The following USP53 variants were observed in gnomAD, a reference collection of about 807,000 sequenced individuals.
The protein encoded by USP53 is ubiquitin carboxyl-terminal hydrolase 53.
In USP53, 71 loss-of-function variants were observed where a neutral mutation model predicts 94.9. That is an observed-to-expected ratio of 0.75 (90% CI 0.62 to 0.91). The LOEUF is 0.91. Ranked by LOEUF, USP53 falls within the 40% of genes least tolerant of loss-of-function variation. The probability of loss-of-function intolerance (pLI) is 0.00; values close to 1 mark genes in which losing one functional copy is unlikely to be tolerated. For missense variants in USP53, 1,173 were observed against 1,281.0 expected (o/e 0.92, Z 1.29); for synonymous variants, 375 against 422.7 (o/e 0.89, Z 1.39).
In USP53 at chr4:119,256,371, T is replaced by G. The variant is rs202056498; in HGVS notation, c.486+12T>G. On this transcript the variant is annotated intron_variant, in intron 8 of 18. Coordinates refer to ENST00000692078, the MANE Select transcript of USP53 (RefSeq NM_001371395.1). ...CTCTGTATGAACAGGTGAGATGGCT[T>G]GATTATTATTTAGATATTGTAGTTC... The G allele has an allele frequency of 1.9e-6, 3 of 1,613,330 alleles. No individual in the cohort carries two copies. Among genetic ancestry groups the G allele is most frequent in the Middle Eastern group, 1.7e-4 (1 of 6,052 alleles).
intron 15 of USP53, among the ~76,000 whole-genome samples, chr4:119,270,865 G>A (rs1375444976): frequency 6.6e-6 from 1 of 152,166 alleles, no homozygotes; most frequent in East Asian, 1.9e-4. Flanking sequence ...TTTGACAGAT[G>A]TGGCTCAGTT....
At position 119,261,757 on chromosome 4, in the gene USP53, C is replaced by A; in HGVS notation, c.865C>A (p.Leu289Ile). ...TGATGAAAATGCCAAAAATAGTGAA[C>A]TTAACCTTGTTGGTATGATCTGCTA... is the stretch of plus-strand genomic sequence containing the variant. Reference protein sequence around the residue: ...VTDENAKNSELNLVGMICYTS... With the variant: ...VTDENAKNSEINLVGMICYTS... Residue 289 changes from leucine (L) to isoleucine (I), a missense_variant, in exon 12 of 19, where the codon CTT (leucine) becomes ATT (isoleucine). Transcript: ENST00000692078. 1 of 1,560,572 alleles carries A rather than the reference C, an allele frequency of 6.4e-7. No individual in the cohort carries two copies.
chr4:119,239,786 A>G lies in USP53; in HGVS notation c.27A>G (p.Lys9=), dbSNP rs1416165283. The G allele has an allele frequency of 6.2e-7, 1 of 1,611,668 alleles. No individual in the cohort carries two copies. Among genetic ancestry groups the G allele is most frequent in the African/African-American group, 1.3e-5 (1 of 74,950 alleles). MAWVKFLR[K]PGGNLGKVYQ... is the part of the protein sequence containing the mutation. ...TGGCATGGGTAAAATTCTTACGGAA[A>G]CCTGGTGGCAATCTTGGAAAAGTTT... Residue 9 remains lysine (K), a synonymous_variant, in exon 5 of 19, where the codon AAA becomes AAG. Transcript: ENST00000692078.
At chr4:119,225,269 C>T (rs1054009040) in intron 3 of USP53, among the ~76,000 whole-genome samples, 5 of 152,078 alleles carry the variant, frequency 3.3e-5, no homozygotes, top group Non-Finnish European at 5.9e-5. Flanking sequence ...CTAAGTAGCC[C>T]TTTCTATCAA....
chr4:119,260,785 G>A (rs1445763187), intron 11 of USP53, 132 bp downstream of exon 11: 1 of 957,512 alleles, frequency 1.0e-6, no homozygotes, highest in African/African-American at 1.6e-5. Flanking sequence ...CATAGACTAG[G>A]AATGGCTTTC....
At chr4:119,258,175 G>T (rs2149379010) in intron 9 of USP53, among the ~76,000 whole-genome samples, 1 of 152,282 alleles carries the variant, frequency 6.6e-6, no homozygotes, top group South Asian at 2.1e-4. Context: ...GTAAGTGGAT[G>T]AATTAAGATT....
rs1261157199 is a variant in USP53 at position 119,278,247 on chromosome 4, C to T, written c.2251+4539C>T. The stretch of plus-strand genomic sequence containing the variant: ...TTTGCAGCGGCTGGTACCGGTTGTT[C>T]CTTTCCATGTTTAGCGCTTCCTTCA... On this transcript the variant is annotated intron_variant, in intron 17 of 18. Coordinates refer to ENST00000692078, the MANE Select transcript of USP53 (RefSeq NM_001371395.1). 2.1e-3 allele frequency among the ~76,000 whole-genome samples: 316 copies of T among 150,252 alleles called. 3 individuals carry two copies. Among genetic ancestry groups the T allele is most frequent in the Middle Eastern group, 6.8e-3 (2 of 294 alleles).
intron 13 of USP53, among the ~76,000 whole-genome samples, chr4:119,267,837 C>G (rs563241136): frequency 1.3e-5 from 2 of 152,306 alleles, no homozygotes; most frequent in Admixed American, 6.5e-5. Flanking sequence ...TAAATGATGT[C>G]AATCCGCTTA....
At chr4:119,285,946 G>C (rs1754056081) in intron 17 of USP53, among the ~76,000 whole-genome samples, 1 of 151,728 alleles carries the variant, frequency 6.6e-6, no homozygotes, top group South Asian at 2.1e-4. Flanking sequence ...AGCAATATTT[G>C]CTTTTCCTTT....
At chr4:119,291,354 G>A in intron 18 of USP53, 93 bp downstream of exon 18, 1 of 741,668 alleles carries the variant, frequency 1.3e-6, no homozygotes, top group South Asian at 2.2e-5. Flanking sequence ...AAAGCAATGG[G>A]TCTATAGTAT....
chr4:119,258,947 C>G (rs956582740), intron 9 of USP53, among the ~76,000 whole-genome samples: 1 of 152,060 alleles, frequency 6.6e-6, no homozygotes, highest in African/African-American at 2.4e-5. Flanking sequence ...CACAGTTACC[C>G]TGTAGTGTAT....
intron 5 of USP53, among the ~76,000 whole-genome samples, chr4:119,244,405 G>A (rs1047043341): frequency 6.6e-6 from 1 of 152,146 alleles, no homozygotes; most frequent in Non-Finnish European, 1.5e-5. Flanking sequence ...TTGGGAGAAA[G>A]GAGAGATCAT....
rs1484449083 is a variant in USP53, at chr4:119,268,257, C to T, written c.1136-11C>T. ...GGAAAGGAATGATACATTTTTGCTT[C>T]TCTTTTTAAGGATGTGAAAAGCCTG... is the stretch of plus-strand genomic sequence containing the variant. On this transcript the variant is annotated splice_polypyrimidine_tract_variant and intron_variant, in intron 13 of 18. Coordinates refer to ENST00000692078, the MANE Select transcript of USP53 (RefSeq NM_001371395.1). 9 of 1,574,502 alleles carry T rather than the reference C, an allele frequency of 5.7e-6. No homozygotes were observed. Among genetic ancestry groups the T allele is most frequent in the African/African-American group, 2.8e-5 (2 of 72,640 alleles).
At chr4:119,266,620 T>G (rs1200197322) in intron 12 of USP53, among the ~76,000 whole-genome samples, 2 of 152,198 alleles carry the variant, frequency 1.3e-5, no homozygotes, top group Non-Finnish European at 2.9e-5. Flanking sequence ...GTCCAATTTT[T>G]TGCCAGTATT....
At chr4:119,254,039 A>G (rs1749409174) in intron 7 of USP53, among the ~76,000 whole-genome samples, 1 of 152,192 alleles carries the variant, frequency 6.6e-6, no homozygotes, top group Non-Finnish European at 1.5e-5. Flanking sequence ...AATGTTGAAT[A>G]TTGGCCCCCA....
intron 7 of USP53, among the ~76,000 whole-genome samples, chr4:119,252,318 C>T (rs916100192): frequency 1.5e-4 from 23 of 152,140 alleles, no homozygotes; most frequent in African/African-American, 5.6e-4. Flanking sequence ...GTACCAGCTC[C>T]TCTTTGTACC....
At chr4:119,227,280 C>CACACACACACACACACACAG (rs1745408366) in intron 3 of USP53, among the ~76,000 whole-genome samples, 1 of 151,476 alleles carries the variant, frequency 6.6e-6, no homozygotes, top group South Asian at 2.1e-4. Flanking sequence ...CACACACACA[C>CACACACACACACACACACAG]ACACACACAC....
chr4:119,237,078 T>C (rs1225653994), intron 4 of USP53, among the ~76,000 whole-genome samples: 2 of 152,228 alleles, frequency 1.3e-5, no homozygotes, highest in African/African-American at 2.4e-5. Context: ...AATCTCTTTG[T>C]ACATCACCAT....
At position 119,271,349 on chromosome 4, in the gene USP53, A is replaced by C. The variant is rs777898717; in HGVS notation, c.1489A>C (p.Asn497His). The change falls in exon 16 of 19, where the codon AAT (asparagine) becomes CAT (histidine). Residue 497 changes from asparagine (N) to histidine (H), a missense_variant. Coordinates refer to ENST00000692078, the MANE Select transcript of USP53 (RefSeq NM_001371395.1). ...CCAATCTGGATCACCTCCTGCCCCA[A>C]ATGGTTTTAAACAACATGGGAATCC... ...HFQSGSPPAP[N>H]GFKQHGNPHL... 6.2e-7 allele frequency: 1 copy of C among 1,601,072 alleles called. No individual in the cohort carries two copies. The highest frequency in any genetic ancestry group is 1.3e-5 in the African/African-American group (1 of 74,210).
Sources: allele counts gnomAD v4.1 joint callset (sites outside exome capture counted in the v4.1 genomes callset), GRCh38; gene constraint gnomAD v4.1.1; transcripts MANE v1.5; gene names NCBI Gene and HGNC (gene_info 2026-07-23, HGNC 2026-07-21).